CSMD1: variants seen among roughly 807,000 people sequenced by gnomAD.
CSMD1 encodes CUB and Sushi multiple domains 1.
CSMD1 carries 213 observed loss-of-function variants against 417.5 expected under a neutral mutation model. The ratio of observed to expected loss-of-function variants is 0.51; its 90% CI spans 0.46 to 0.57. The LOEUF is 0.57. Among genes scored for constraint, CSMD1 ranks in the 20% least tolerant of loss-of-function variants. The pLI, the probability that CSMD1 is intolerant of heterozygous loss-of-function variation, is 0.00. For missense variants in CSMD1, 6,923 were observed against 4,529.7 expected, an observed-to-expected ratio of 1.53 and a Z score of -15.17; for synonymous variants, 2,862 against 1,736.8, an observed-to-expected ratio of 1.65 and a Z score of -16.11.
At chr8:4,313,987 C>G (rs1798776505) in intron 3 of CSMD1, among the ~76,000 whole-genome samples, 1 of 151,406 alleles carries the variant, frequency 6.6e-6, no homozygotes. Context: ...GCACTCCAGC[C>G]TGGGCAACAA....
intron 3 of CSMD1, among the ~76,000 whole-genome samples, chr8:4,155,923 T>A (rs1274114713): frequency 6.6e-6 from 1 of 152,172 alleles, no homozygotes; most frequent in Non-Finnish European, 1.5e-5. Flanking sequence ...TTTTGAGGAA[T>A]GCACAGCCCA....
intron 3 of CSMD1, among the ~76,000 whole-genome samples, chr8:4,372,746 G>GAAAA (rs11350132): frequency 6.9e-6 from 1 of 145,362 alleles, no homozygotes. Flanking sequence ...GGAGGCAAAA[G>GAAAA]AAAAAAAAAA....
chr8:2,963,116 T>G, intron 60 of CSMD1, 106 bp downstream of exon 60: 1 of 1,250,256 alleles, frequency 8.0e-7, no homozygotes, highest in South Asian at 1.3e-5. Context: ...AGGGCTATTA[T>G]TACCCACCAG....
intron 1 of CSMD1, among the ~76,000 whole-genome samples, chr8:4,898,233 A>G (rs1355026779): frequency 6.6e-6 from 1 of 152,140 alleles, no homozygotes; most frequent in African/African-American, 2.4e-5. Flanking sequence ...ATGAACGGAG[A>G]GCATCGGGGT....
chr8:3,124,160 A>T (rs12680150), intron 41 of CSMD1, among the ~76,000 whole-genome samples: 11,779 of 152,076 alleles, frequency 0.077, 789 homozygotes, highest in East Asian at 0.36. Flanking sequence ...GGGGGAGCAG[A>T]TTAGCCCATA....
intron 3 of CSMD1, among the ~76,000 whole-genome samples, chr8:4,184,672 G>C (rs1042602180): frequency 1.3e-5 from 2 of 152,134 alleles, no homozygotes; most frequent in Admixed American, 1.3e-4. Context: ...TGGACACAAA[G>C]AGGGAAACAA....
intron 2 of CSMD1, among the ~76,000 whole-genome samples, chr8:4,461,811 G>A (rs1014328035): frequency 6.8e-6 from 1 of 146,968 alleles, no homozygotes; most frequent in Non-Finnish European, 1.5e-5. Flanking sequence ...TACGATCTCA[G>A]CTCACTGCAA....
chr8:3,663,122 G>T (rs1291195418), intron 7 of CSMD1, among the ~76,000 whole-genome samples: 3 of 152,138 alleles, frequency 2.0e-5, no homozygotes, highest in African/African-American at 7.2e-5. Flanking sequence ...TGAAGCAGTG[G>T]GGGCCTCAGG....
In CSMD1 at chr8:4,542,043, T is replaced by C. The variant is rs181129040; in HGVS notation, c.302+95299A>G. Among the ~76,000 whole-genome samples the C allele has an allele frequency of 7.6e-4, 116 of 152,236 alleles. 2 individuals are homozygous for C. The East Asian group carries it at 0.02, about 26-fold the overall frequency. ...TTGAAGCAAATGTGGTCCCAGAGCC[T>C]GAAGTCCCCGTGTGCAATGGGCGCC... On this transcript the variant is annotated intron_variant, in intron 2 of 69. Coordinates refer to ENST00000635120, the MANE Select transcript of CSMD1 (RefSeq NM_033225.6).
At chr8:3,730,820 CA>C (rs1370112723) in intron 6 of CSMD1, among the ~76,000 whole-genome samples, 2 of 152,142 alleles carry the variant, frequency 1.3e-5, no homozygotes, top group African/African-American at 4.8e-5. Flanking sequence ...AAAACAACCC[CA>C]TTCATGTTAT....
chr8:4,297,469 A>C (rs574096025), intron 3 of CSMD1, among the ~76,000 whole-genome samples: 1 of 152,350 alleles, frequency 6.6e-6, no homozygotes, highest in East Asian at 1.9e-4. Flanking sequence ...TCCGCAAGCT[A>C]ATACTTTATT....
intron 12 of CSMD1, among the ~76,000 whole-genome samples, chr8:3,444,948 C>T (rs1268707823): frequency 1.3e-5 from 2 of 152,134 alleles, no homozygotes; most frequent in Non-Finnish European, 2.9e-5. Context: ...GAGAAAACAC[C>T]ACTAGCTATG....
At chr8:4,023,967 CATT>C (rs1563330817) in intron 4 of CSMD1, among the ~76,000 whole-genome samples, 1 of 151,650 alleles carries the variant, frequency 6.6e-6, no homozygotes, top group Non-Finnish European at 1.5e-5. Context: ...AGAGCGACTT[CATT>C]ATTATTATTT....
chr8:3,835,593 G>T (rs1417558061), intron 5 of CSMD1, among the ~76,000 whole-genome samples: 1 of 151,776 alleles, frequency 6.6e-6, no homozygotes, highest in Non-Finnish European at 1.5e-5. Context: ...GATAGCATTA[G>T]GAGATATGCC....
At chr8:3,782,647 TA>T (rs982115385) in intron 5 of CSMD1, among the ~76,000 whole-genome samples, 5 of 152,170 alleles carry the variant, frequency 3.3e-5, no homozygotes, top group African/African-American at 1.2e-4. Context: ...AAGTGTAATT[TA>T]AAAAATGCTA....
chr8:4,843,827 A>G (rs1208216987), intron 1 of CSMD1, among the ~76,000 whole-genome samples: 1 of 152,240 alleles, frequency 6.6e-6, no homozygotes, highest in Admixed American at 6.5e-5. Flanking sequence ...CAGTGGAAGC[A>G]CAGGAGAGCT....
chr8:4,252,501 G>C (rs1803147887), intron 3 of CSMD1, among the ~76,000 whole-genome samples: 1 of 152,208 alleles, frequency 6.6e-6, no homozygotes, highest in African/African-American at 2.4e-5. Flanking sequence ...AGAAGCCAGA[G>C]GCATGTCCTG....
intron 2 of CSMD1, among the ~76,000 whole-genome samples, chr8:4,559,209 A>T (rs1798222403): frequency 6.6e-6 from 1 of 152,146 alleles, no homozygotes. Context: ...GTCTCTTATG[A>T]CTTTAAGTTG....
chr8:3,839,144 G>T (rs973332863), intron 5 of CSMD1, among the ~76,000 whole-genome samples: 2 of 122,856 alleles, frequency 1.6e-5, no homozygotes, highest in Non-Finnish European at 3.2e-5. Flanking sequence ...GATATATATA[G>T]TCTATATATC....
Sources: allele counts gnomAD v4.1 joint callset (sites outside exome capture counted in the v4.1 genomes callset), GRCh38; gene constraint gnomAD v4.1.1; transcripts MANE v1.5; gene names NCBI Gene and HGNC (gene_info 2026-07-23, HGNC 2026-07-21).